CPEB3: variants seen among roughly 807,000 people sequenced by gnomAD.
CPEB3 encodes cytoplasmic polyadenylation element-binding protein 3.
In CPEB3, 20 loss-of-function variants were observed where a neutral mutation model predicts 67.2. The observed-to-expected ratio is 0.30, with a 90% CI of 0.21 to 0.43. The LOEUF (loss-of-function observed/expected upper bound fraction) is 0.43. Ranked by LOEUF, CPEB3 falls within the 20% of genes least tolerant of loss-of-function variation. CPEB3 has a pLI of 1.00. For missense variants in CPEB3, 746 were observed against 968.6 expected (o/e 0.77, Z 3.05); for synonymous variants, 376 against 393.1 (o/e 0.96, Z 0.51).
In CPEB3 at chr10:92,145,101, GAGA is replaced by G. The variant is rs757185694; in HGVS notation, c.1223-19_1223-17del. 3 of 1,613,404 alleles carry G rather than the reference GAGA, an allele frequency of 1.9e-6. No individual in the cohort carries two copies. The highest frequency in any genetic ancestry group is 2.2e-5 in the South Asian group (2 of 91,042). ...AGGAAGGCATCTTCAAAGGGAAAGA[GAGA>G]AGATCGACCTGAAACAAATGTGGGA... On this transcript the variant is annotated splice_polypyrimidine_tract_variant and intron_variant, in intron 4 of 9. Coordinates refer to ENST00000265997, the MANE Select transcript of CPEB3 (RefSeq NM_014912.5).
chr10:92,111,065 G>T lies in CPEB3; in HGVS notation c.1572+11C>A. 6.4e-7 allele frequency: 1 copy of T among 1,554,110 alleles called. No homozygotes were observed. On this transcript the variant is annotated intron_variant, in intron 7 of 9. Transcript: ENST00000265997. Reference sequence around the variant, plus strand: ...CTCTGGAAAAGCAACAGCTGGCCATGTATTACTTACTGGCTTGTCCTTGAT... The same window carrying T: ...CTCTGGAAAAGCAACAGCTGGCCATTTATTACTTACTGGCTTGTCCTTGAT...
At chr10:92,137,133 TG>T in intron 6 of CPEB3, 1 of 322,326 alleles carries the variant, frequency 3.1e-6, no homozygotes. Flanking sequence ...TGCAGTAGAT[TG>T]AATTAGATCT....
In CPEB3 at chr10:92,240,081, C is replaced by T; in HGVS notation, c.270G>A (p.Pro90=). The part of the protein sequence containing the change: ...GLSFHQPPQQ[P]PPPQEPAAPG... ...GTGCCGCGGGCTCCTGAGGCGGCGGCGGCTGCTGAGGAGGCTGATGGAAAC... is the reference window on the plus strand; with the variant it reads ...GTGCCGCGGGCTCCTGAGGCGGCGGTGGCTGCTGAGGAGGCTGATGGAAAC... Residue 90 remains proline, a synonymous_variant, in exon 2 of 10, where the codon CCG becomes CCA. Transcript: ENST00000265997. 1 of 1,585,932 alleles carries T rather than the reference C, an allele frequency of 6.3e-7. No individual in the cohort carries two copies. The highest frequency in any genetic ancestry group is 1.3e-5 in the African/African-American group (1 of 74,450).
At chr10:92,257,429 G>A (rs1852564730) in intron 1 of CPEB3, among the ~76,000 whole-genome samples, 3 of 152,048 alleles carry the variant, frequency 2.0e-5, no homozygotes, top group Admixed American at 1.3e-4. Flanking sequence ...CAAGTAGCTG[G>A]GATTACAGGC....
At position 92,260,525 on chromosome 10, in the gene CPEB3, T is replaced by C. The variant is rs571095555; in HGVS notation, c.-11-20164A>G. ...GGGACCACACCACTGCACTCCAGCC[T>C]GGGCAACAAGAGCAAAACTCCTTCT... On this transcript the variant is annotated intron_variant, in intron 1 of 9. Transcript: ENST00000265997. 6.2e-5 allele frequency among the ~76,000 whole-genome samples: 9 copies of C among 145,868 alleles called. No homozygotes were observed. The South Asian group carries it at 2.0e-3, about 32-fold the overall frequency.
intron 1 of CPEB3, among the ~76,000 whole-genome samples, chr10:92,275,510 T>C (rs1000534458): frequency 4.6e-5 from 7 of 152,212 alleles, no homozygotes; most frequent in African/African-American, 1.7e-4. Context: ...TAAGGTTGCA[T>C]CTGGTGTTAT....
At chr10:92,207,935 G>A (rs1246401202) in intron 2 of CPEB3, among the ~76,000 whole-genome samples, 1 of 152,142 alleles carries the variant, frequency 6.6e-6, no homozygotes, top group Non-Finnish European at 1.5e-5. Context: ...AGCCAATATT[G>A]GTCATTAATG....
intron 4 of CPEB3, among the ~76,000 whole-genome samples, chr10:92,155,943 AATAAG>A (rs1170570324): frequency 1.3e-5 from 2 of 152,174 alleles, no homozygotes; most frequent in Admixed American, 1.3e-4. Context: ...TATTTATAAA[AATAAG>A]ATAATTTTTA....
chr10:92,211,632 G>A (rs1292424671), intron 2 of CPEB3, among the ~76,000 whole-genome samples: 1 of 151,542 alleles, frequency 6.6e-6, no homozygotes, highest in Admixed American at 6.6e-5. Context: ...TGCCTCTCAG[G>A]TTCAAGCAAT....
At chr10:92,180,750 T>C (rs1848423277) in intron 4 of CPEB3, among the ~76,000 whole-genome samples, 1 of 152,194 alleles carries the variant, frequency 6.6e-6, no homozygotes, top group Non-Finnish European at 1.5e-5. Flanking sequence ...TCTGATTCAA[T>C]AGCCCTGTCA....
chr10:92,238,661 T>C (rs1307309329), intron 2 of CPEB3, among the ~76,000 whole-genome samples: 1 of 151,654 alleles, frequency 6.6e-6, no homozygotes, highest in African/African-American at 2.4e-5. Context: ...CTAGGTAACA[T>C]GGAGAGGGTT....
intron 5 of CPEB3, among the ~76,000 whole-genome samples, 166 bp from the exon 6 acceptor site, chr10:92,143,284 G>A (rs1378821330): frequency 6.6e-6 from 1 of 152,156 alleles, no homozygotes; most frequent in Non-Finnish European, 1.5e-5. Flanking sequence ...CATTGCTTGG[G>A]TGTACATTTG....
intron 9 of CPEB3, among the ~76,000 whole-genome samples, chr10:92,058,570 T>TACAC (rs1554877269): frequency 2.2e-4 from 26 of 118,812 alleles, no homozygotes; most frequent in South Asian, 7.6e-4. Context: ...CATACATACA[T>TACAC]ACATACATAC....
intron 9 of CPEB3, among the ~76,000 whole-genome samples, chr10:92,058,268 G>A (rs772596968): frequency 2.0e-5 from 3 of 152,072 alleles, no homozygotes; most frequent in African/African-American, 4.8e-5. Context: ...TATTCGGGCC[G>A]GGCACAGTGG....
intron 9 of CPEB3, among the ~76,000 whole-genome samples, chr10:92,070,606 G>A (rs1239933244): frequency 6.6e-6 from 1 of 151,864 alleles, no homozygotes; most frequent in African/African-American, 2.4e-5. Context: ...GAGAAACCCT[G>A]TCTCCATTAA....
At chr10:92,118,867 C>A in intron 6 of CPEB3, 1 of 809,238 alleles carries the variant, frequency 1.2e-6, no homozygotes, top group Non-Finnish European at 2.2e-6. Context: ...CCATCTGCCA[C>A]CATGACACTG....
chr10:92,102,136 A>C (rs1844219555), intron 7 of CPEB3, among the ~76,000 whole-genome samples: 1 of 152,138 alleles, frequency 6.6e-6, no homozygotes, highest in Non-Finnish European at 1.5e-5. Flanking sequence ...GCTATCTATT[A>C]TTCTCAAGTG....
chr10:92,068,060 T>A (rs1285500243), intron 9 of CPEB3, among the ~76,000 whole-genome samples: 2 of 152,346 alleles, frequency 1.3e-5, no homozygotes, highest in East Asian at 3.9e-4. Flanking sequence ...ATTTTAAAAT[T>A]ACCTTTGTGC....
intron 4 of CPEB3, 24 bp from the exon 5 acceptor site, chr10:92,145,109 C>T (rs749406994): frequency 7.4e-6 from 12 of 1,611,936 alleles, no homozygotes; most frequent in African/African-American, 4.0e-5. Flanking sequence ...GAGAGAAGAT[C>T]GACCTGAAAC....
Sources: gnomAD v4.1 joint callset for allele counts (sites outside exome capture counted in the v4.1 genomes callset) on GRCh38, gnomAD v4.1.1 for gene constraint, MANE v1.5 for transcripts, NCBI Gene and HGNC (gene_info 2026-07-23, HGNC 2026-07-21) for gene names.